Variants in ERGIC1 observed in about 807,000 individuals in gnomAD.
The protein encoded by ERGIC1 is endoplasmic reticulum-golgi intermediate compartment 1, also known as endoplasmic reticulum-Golgi intermediate compartment protein 1.
ERGIC1 carries 19 observed loss-of-function variants against 38.3 expected under a neutral mutation model. The observed-to-expected ratio is 0.50, with a 90% confidence interval of 0.35 to 0.73. The LOEUF is 0.73. Among genes scored for constraint, ERGIC1 ranks in the 30% least tolerant of loss-of-function variants. The probability of loss-of-function intolerance (pLI) is 0.01; values close to 1 mark genes in which losing one functional copy is unlikely to be tolerated. For missense variants in ERGIC1, 294 were observed against 389.2 expected (o/e 0.76, Z 2.06); for synonymous variants, 124 against 157.6 (o/e 0.79, Z 1.60).
intron 9 of ERGIC1, among the ~76,000 whole-genome samples, chr5:172,939,020 G>A (rs1044477594): frequency 2.6e-5 from 4 of 151,864 alleles, no homozygotes; most frequent in Admixed American, 6.6e-5. Context: ...CCGAGATCAC[G>A]CCACTGCACT....
intron 5 of ERGIC1, 79 bp from the exon 6 acceptor site, chr5:172,923,926 G>T: frequency 7.8e-7 from 1 of 1,278,638 alleles, no homozygotes; most frequent in East Asian, 2.4e-5. Context: ...GTCCTCCCTG[G>T]ATCACACAGG....
chr5:172,910,074 G>A lies in ERGIC1; in HGVS notation c.250+313G>A, dbSNP rs146387032. The stretch of plus-strand genomic sequence containing the variant: ...CATGCAAGTGACTTGTTGAGGGGAG[G>A]AAGCTGTAAGGGAGAAACGCAGGAT... On this transcript the variant is annotated intron_variant, in intron 4 of 9. Coordinates refer to ENST00000393784, the MANE Select transcript of ERGIC1 (RefSeq NM_001031711.3). 1.1e-3 allele frequency among the ~76,000 whole-genome samples: 162 copies of A among 152,286 alleles called. 1 individual carries two copies. Among genetic ancestry groups the A allele is most frequent in the Admixed American group, 1.8e-3 (27 of 15,290 alleles).
intron 2 of ERGIC1, among the ~76,000 whole-genome samples, chr5:172,895,472 A>C (rs1430650952): frequency 2.1e-5 from 3 of 141,996 alleles, no homozygotes; most frequent in Non-Finnish European, 4.8e-5. Context: ...TTCAGCCCTC[A>C]TTTTGTATCC....
At chr5:172,875,124 C>T (rs1266468674) in intron 1 of ERGIC1, among the ~76,000 whole-genome samples, 3 of 152,144 alleles carry the variant, frequency 2.0e-5, no homozygotes, top group Non-Finnish European at 4.4e-5. Flanking sequence ...ACCTCCTCTG[C>T]TTTTTCTTTT....
At chr5:172,931,824 C>T (rs1763780838) in intron 7 of ERGIC1, among the ~76,000 whole-genome samples, 1 of 150,216 alleles carries the variant, frequency 6.7e-6, no homozygotes, top group Non-Finnish European at 1.5e-5. Context: ...GGTTCTTTTC[C>T]CTGTTGGAGA....
chr5:172,941,125 A>G (rs945087039), intron 9 of ERGIC1, among the ~76,000 whole-genome samples: 2 of 152,218 alleles, frequency 1.3e-5, no homozygotes, highest in African/African-American at 4.8e-5. Context: ...CTAAAAATAC[A>G]AAAAATAGCC....
In ERGIC1 at chr5:172,872,298, A is replaced by G. The variant is rs185755408; in HGVS notation, c.21-16401A>G. Among the ~76,000 whole-genome samples the G allele has an allele frequency of 8.8e-4, 134 of 152,320 alleles. 1 individual carries two copies. The highest frequency in any genetic ancestry group is 5.8e-3 in the South Asian group (28 of 4,826). Reference sequence around the variant, plus strand: ...TGAACCTCAGTTTTATTTTTCTGTAAAAATGGGGATGAAGCTAGTGTTTAT... The same window carrying G: ...TGAACCTCAGTTTTATTTTTCTGTAGAAATGGGGATGAAGCTAGTGTTTAT... On this transcript the variant is annotated intron_variant, in intron 1 of 9. Transcript: ENST00000393784.
At chr5:172,865,924 C>A (rs1420866400) in intron 1 of ERGIC1, among the ~76,000 whole-genome samples, 1 of 152,054 alleles carries the variant, frequency 6.6e-6, no homozygotes, top group African/African-American at 2.4e-5. Flanking sequence ...AACCTTAAGC[C>A]CCTATATTCC....
intron 9 of ERGIC1, among the ~76,000 whole-genome samples, chr5:172,949,844 G>A (rs1029800430): frequency 1.2e-4 from 19 of 152,090 alleles, no homozygotes; most frequent in African/African-American, 4.6e-4. Context: ...GGCGGGTGGA[G>A]CACGAGGTCA....
chr5:172,877,766 C>A (rs1437281242), intron 1 of ERGIC1, among the ~76,000 whole-genome samples: 1 of 152,168 alleles, frequency 6.6e-6, no homozygotes, highest in East Asian at 1.9e-4. Flanking sequence ...TTTGCTATTA[C>A]AGCTGGTGCT....
chr5:172,834,259 G>A lies in ERGIC1; in HGVS notation c.-155G>A, dbSNP rs1760970770. 2 of 735,964 alleles carry A rather than the reference G, an allele frequency of 2.7e-6. No homozygotes were observed. The highest frequency in any genetic ancestry group is 1.3e-4 in the South Asian group (2 of 15,978). 45.6% of individuals were successfully genotyped at this position (735,964 alleles called of 1,614,324 possible). The stretch of plus-strand genomic sequence containing the variant: ...GGGCTGCGCGGAGCGTCACTTCCCG[G>A]CAGCGGGAGGCGAGTGGCGAGTGGC... On this transcript the variant is annotated 5_prime_UTR_variant, in exon 1 of 10. Coordinates refer to ENST00000393784, the MANE Select transcript of ERGIC1 (RefSeq NM_001031711.3). The surrounding 1 kb of genome is among the most constrained non-coding windows in gnomAD (Gnocchi z 4.1).
chr5:172,919,554 G>A (rs141339684), intron 5 of ERGIC1, among the ~76,000 whole-genome samples: 1 of 152,372 alleles, frequency 6.6e-6, no homozygotes, highest in Non-Finnish European at 1.5e-5. Flanking sequence ...TTTGGGGTCA[G>A]ACAGACCTGT....
At chr5:172,929,112 A>T (rs76653433) in intron 7 of ERGIC1, among the ~76,000 whole-genome samples, 2 of 151,962 alleles carry the variant, frequency 1.3e-5, no homozygotes, top group East Asian at 1.9e-4. Flanking sequence ...CCAGCTTGTC[A>T]TGTATATGTA....
chr5:172,935,479 T>C (rs921919452), intron 9 of ERGIC1, 169 bp downstream of exon 9: 4 of 802,706 alleles, frequency 5.0e-6, no homozygotes, highest in Admixed American at 5.7e-5. Flanking sequence ...TGCTGAGAAA[T>C]GTTGTCAGAA....
chr5:172,872,625 G>A (rs904609212), intron 1 of ERGIC1, among the ~76,000 whole-genome samples: 3 of 152,052 alleles, frequency 2.0e-5, no homozygotes, highest in Admixed American at 6.6e-5. Context: ...GACCAGCCTG[G>A]CCAACATGAT....
At chr5:172,944,281 C>G (rs886882720) in intron 9 of ERGIC1, among the ~76,000 whole-genome samples, 1 of 152,172 alleles carries the variant, frequency 6.6e-6, no homozygotes, top group African/African-American at 2.4e-5. Flanking sequence ...TTGGGAGATA[C>G]AAGAGCGTGG....
In ERGIC1 at chr5:172,924,093, T is replaced by C; in HGVS notation, c.464T>C (p.Phe155Ser). ...DMTHVIHKLS[F>S]GDTLQVQNIH... ...ACGCATGTCATCCACAAGCTCTCCT[T>C]TGGGGACACGCTACAGGTGAGCAGG... Residue 155 changes from phenylalanine to serine, a missense_variant, in exon 6 of 10, where the codon TTT becomes TCT. Transcript: ENST00000393784. The C allele has an allele frequency of 6.2e-7, 1 of 1,613,936 alleles. No individual in the cohort carries two copies.
At chr5:172,889,895 T>G (rs1304375835) in intron 2 of ERGIC1, among the ~76,000 whole-genome samples, 1 of 152,192 alleles carries the variant, frequency 6.6e-6, no homozygotes, top group Non-Finnish European at 1.5e-5. Flanking sequence ...ACTGAAAACG[T>G]TTCAAATTTT....
At chr5:172,893,901 ATATATG>A (rs1762637624) in intron 2 of ERGIC1, among the ~76,000 whole-genome samples, 1 of 13,572 alleles carries the variant, frequency 7.4e-5, no homozygotes, top group African/African-American at 1.1e-4. Flanking sequence ...ATATATATAT[ATATATG>A]TGTGTGTGTG....
Sources: allele counts gnomAD v4.1 joint callset (sites outside exome capture counted in the v4.1 genomes callset), GRCh38; gene constraint gnomAD v4.1.1; non-coding constraint Gnocchi (gnomAD v3.1); transcripts MANE v1.5; gene names NCBI Gene and HGNC (gene_info 2026-07-23, HGNC 2026-07-21).